The following SAXO1 variants were observed in gnomAD, a reference collection of about 807,000 sequenced individuals.
SAXO1 encodes 4930500O09Rik.
SAXO1 carries 21 observed loss-of-function variants against 17.5 expected under a neutral mutation model. The ratio of observed to expected loss-of-function variants is 1.20; its 90% confidence interval spans 0.85 to 1.72. The LOEUF (loss-of-function observed/expected upper bound fraction) is 1.72. Among genes scored for constraint, SAXO1 ranks in the 40% most tolerant of loss-of-function variants. The pLI is 0.00. For synonymous variants in SAXO1, 274 were observed against 216.5 expected (o/e 1.27, Z -2.33); for missense variants, 843 against 596.0 (o/e 1.41, Z -4.32).
chr9:18,957,735 G>C (rs1832313996), intron 1 of SAXO1, among the ~76,000 whole-genome samples: 1 of 152,088 alleles, frequency 6.6e-6, no homozygotes, highest in Non-Finnish European at 1.5e-5. Flanking sequence ...CTACAGGCAA[G>C]GCCTTCTCAA....
intron 1 of SAXO1, among the ~76,000 whole-genome samples, chr9:18,996,727 A>G (rs1352587822): frequency 2.0e-5 from 3 of 152,250 alleles, no homozygotes; most frequent in Non-Finnish European, 2.9e-5. Context: ...ACTCACAGTG[A>G]ACATCATACT....
chr9:18,997,230 C>T (rs1247091299), intron 1 of SAXO1, among the ~76,000 whole-genome samples: 3 of 152,348 alleles, frequency 2.0e-5, no homozygotes, highest in African/African-American at 7.2e-5. Flanking sequence ...AGGAACCGTA[C>T]ACTCCTGCCC....
chr9:18,956,796 T>G (rs1369100831), intron 1 of SAXO1, among the ~76,000 whole-genome samples: 1 of 152,252 alleles, frequency 6.6e-6, no homozygotes, highest in Non-Finnish European at 1.5e-5. Flanking sequence ...GAGCAATTAC[T>G]ACGCACAACA....
intron 1 of SAXO1, among the ~76,000 whole-genome samples, chr9:19,002,864 A>G: frequency 6.6e-6 from 1 of 152,232 alleles, no homozygotes; most frequent in East Asian, 1.9e-4. Context: ...CACCACTCCT[A>G]TTCAGCATAG....
chr9:18,932,376 G>A (rs990890255), intron 3 of SAXO1, among the ~76,000 whole-genome samples: 3 of 152,272 alleles, frequency 2.0e-5, no homozygotes, highest in Admixed American at 1.3e-4. Flanking sequence ...CAACTTAGTT[G>A]CATTGGTCAT....
At chr9:19,017,078 G>A (rs570941242) in intron 1 of SAXO1, among the ~76,000 whole-genome samples, 65 of 152,216 alleles carry the variant, frequency 4.3e-4, no homozygotes, top group African/African-American at 1.5e-3. Flanking sequence ...GGAGGCAGAG[G>A]TGGGCAGATT....
At position 19,008,704 on chromosome 9, in the gene SAXO1, G is replaced by A. The variant is rs1834592973; in HGVS notation, c.38+24167C>T. On this transcript the variant is annotated intron_variant, in intron 1 of 3. Coordinates refer to ENST00000380534, the MANE Select transcript of SAXO1 (RefSeq NM_153707.4). ...TGAGGTCTCCTTAAAGTGTGTGCAT[G>A]TGCTGTCATACTAACCCCACTCAGC... Among the ~76,000 whole-genome samples, 5 of 152,290 alleles carry A rather than the reference G, an allele frequency of 3.3e-5. No individual in the cohort carries two copies. In the South Asian group the frequency reaches 1.0e-3, roughly 32 times the overall value.
chr9:19,004,719 G>A (rs993210344), intron 1 of SAXO1, among the ~76,000 whole-genome samples: 2 of 152,134 alleles, frequency 1.3e-5, no homozygotes, highest in African/African-American at 4.8e-5. Context: ...GCCTGTTGTG[G>A]AGTAGGGGGC....
intron 1 of SAXO1, among the ~76,000 whole-genome samples, chr9:18,986,670 T>G (rs1833606372): frequency 6.6e-6 from 1 of 152,132 alleles, no homozygotes; most frequent in Non-Finnish European, 1.5e-5. Flanking sequence ...AAGAAAAGTT[T>G]ACCTGAAAAT....
chr9:18,951,673 C>T (rs926286256), intron 1 of SAXO1, among the ~76,000 whole-genome samples: 5 of 152,306 alleles, frequency 3.3e-5, no homozygotes, highest in African/African-American at 1.2e-4. Flanking sequence ...CCTGTGTATG[C>T]CTGTCCCATC....
At chr9:18,942,491 G>C (rs920666855) in intron 2 of SAXO1, among the ~76,000 whole-genome samples, 1 of 152,054 alleles carries the variant, frequency 6.6e-6, no homozygotes, top group African/African-American at 2.4e-5. Context: ...CCTTCTCTGT[G>C]TTCCCAAAAG....
At chr9:19,002,284 G>C (rs1292075089) in intron 1 of SAXO1, among the ~76,000 whole-genome samples, 1 of 152,166 alleles carries the variant, frequency 6.6e-6, no homozygotes, top group East Asian at 1.9e-4. Context: ...TCCAGGACCA[G>C]ATGGATTCAC....
At chr9:19,039,481 C>T (rs1225671797) in intron 1 of SAXO1, among the ~76,000 whole-genome samples, 1 of 152,216 alleles carries the variant, frequency 6.6e-6, no homozygotes. Context: ...ATCTACTGTA[C>T]TTCGTCCCTC....
At chr9:18,999,995 C>T (rs1834186557) in intron 1 of SAXO1, among the ~76,000 whole-genome samples, 1 of 142,512 alleles carries the variant, frequency 7.0e-6, no homozygotes, top group African/African-American at 2.7e-5. Flanking sequence ...AAGTGAGGAG[C>T]ACCTCTGCCC....
chr9:18,936,605 A>T (rs1272231394), intron 3 of SAXO1, among the ~76,000 whole-genome samples: 1 of 152,212 alleles, frequency 6.6e-6, no homozygotes, highest in Non-Finnish European at 1.5e-5. Flanking sequence ...CCCAGCATTT[A>T]TTACCAAAAA....
chr9:19,034,461 C>T (rs756042404), upstream of SAXO1, among the ~76,000 whole-genome samples: 3 of 152,132 alleles, frequency 2.0e-5, no homozygotes, highest in African/African-American at 7.2e-5. Flanking sequence ...ATTCAAATTT[C>T]AGTGTCTGTG....
At chr9:19,015,234 T>C (rs965757816) in intron 1 of SAXO1, among the ~76,000 whole-genome samples, 1 of 152,206 alleles carries the variant, frequency 6.6e-6, no homozygotes, top group Non-Finnish European at 1.5e-5. Context: ...GGCATGATCA[T>C]GGCTTACCGC....
intron 1 of SAXO1, among the ~76,000 whole-genome samples, chr9:19,040,817 G>C (rs1836062018): frequency 6.6e-6 from 1 of 152,090 alleles, no homozygotes; most frequent in South Asian, 2.1e-4. Context: ...CAAACAGGGA[G>C]AAGGGAACTT....
chr9:18,944,766 A>T (rs1405383632), intron 2 of SAXO1, among the ~76,000 whole-genome samples: 5 of 152,196 alleles, frequency 3.3e-5, no homozygotes, highest in African/African-American at 7.2e-5. Context: ...AGGAAAGAGG[A>T]AATAACGTAA....
Sources: gnomAD v4.1 joint callset for allele counts (sites outside exome capture counted in the v4.1 genomes callset) on GRCh38, gnomAD v4.1.1 for gene constraint, MANE v1.5 for transcripts, NCBI Gene and HGNC (gene_info 2026-07-23, HGNC 2026-07-21) for gene names.